TTC17: variants seen among roughly 807,000 people sequenced by gnomAD.
The protein encoded by TTC17 is tetratricopeptide repeat domain 17.
In TTC17, 58 loss-of-function variants were observed where a neutral mutation model predicts 143.8. The observed-to-expected ratio is 0.40, with a 90% CI of 0.33 to 0.50. TTC17 has a LOEUF of 0.50. Ranked by LOEUF, TTC17 falls within the 20% of genes least tolerant of loss-of-function variation. The pLI, the probability that TTC17 is intolerant of heterozygous loss-of-function variation, is 0.49. For synonymous variants in TTC17, 501 were observed against 497.8 expected, an observed-to-expected ratio of 1.01 and a Z score of -0.09; for missense variants, 1,273 against 1,392.5, an observed-to-expected ratio of 0.91 and a Z score of 1.37.
chr11:43,433,982 ATGTCATTATTC>A (rs1230478853), intron 16 of TTC17, among the ~76,000 whole-genome samples: 1 of 152,084 alleles, frequency 6.6e-6, no homozygotes, highest in African/African-American at 2.4e-5. Context: ...GAGTTGGTTG[ATGTCATTATTC>A]TGTTTTATTT....
At chr11:43,418,331 A>G (rs72900946) in intron 16 of TTC17, among the ~76,000 whole-genome samples, 5 of 152,296 alleles carry the variant, frequency 3.3e-5, no homozygotes, top group East Asian at 1.9e-4. Context: ...TTATATCACT[A>G]CCATTTCAAG....
intron 8 of TTC17, 140 bp downstream of exon 8, chr11:43,398,253 T>G (rs1262904387): frequency 9.2e-7 from 1 of 1,082,792 alleles, no homozygotes; most frequent in Non-Finnish European, 1.3e-6. Flanking sequence ...ATCCTTTTTC[T>G]GTAAGTCCTG....
At chr11:43,398,560 G>C (rs1857714972) in intron 8 of TTC17, among the ~76,000 whole-genome samples, 1 of 152,148 alleles carries the variant, frequency 6.6e-6, no homozygotes, top group Non-Finnish European at 1.5e-5. Context: ...TTGAGTTATT[G>C]TTAAGGTAGT....
At chr11:43,363,000 A>G (rs2134428486) in intron 1 of TTC17, among the ~76,000 whole-genome samples, 1 of 152,278 alleles carries the variant, frequency 6.6e-6, no homozygotes, top group African/African-American at 2.4e-5. Context: ...GGGCTTTGAC[A>G]TACCTCTGAT....
chr11:43,472,841 T>TA (rs140936007), intron 21 of TTC17, among the ~76,000 whole-genome samples: 25,340 of 114,942 alleles, frequency 0.22, 2,732 homozygotes, highest in Non-Finnish European at 0.29. Context: ...GGAATTAAGC[T>TA]AAAAAAAAAA....
chr11:43,361,109 G>T (rs1265989184), intron 1 of TTC17, among the ~76,000 whole-genome samples: 1 of 152,174 alleles, frequency 6.6e-6, no homozygotes, highest in Non-Finnish European at 1.5e-5. Context: ...AAAGAATTGG[G>T]TGCTGTGGTG....
chr11:43,470,235 A>G (rs1417429113), intron 21 of TTC17, among the ~76,000 whole-genome samples: 1 of 152,194 alleles, frequency 6.6e-6, no homozygotes, highest in East Asian at 1.9e-4. Flanking sequence ...GCAGCATCAG[A>G]GGTATACCTC....
chr11:43,478,775 C>G (rs995832997), intron 21 of TTC17, among the ~76,000 whole-genome samples: 1 of 152,098 alleles, frequency 6.6e-6, no homozygotes, highest in Non-Finnish European at 1.5e-5. Context: ...ACGACAGGCA[C>G]GGACCATGCC....
chr11:43,380,347 C>T (rs1856918528), intron 2 of TTC17, among the ~76,000 whole-genome samples: 1 of 152,292 alleles, frequency 6.6e-6, no homozygotes, highest in African/African-American at 2.4e-5. Context: ...CCTCCACCTC[C>T]CCGGTTCAAG....
intron 2 of TTC17, 107 bp downstream of exon 2, chr11:43,379,429 C>T: frequency 1.0e-6 from 1 of 983,638 alleles, no homozygotes; most frequent in Non-Finnish European, 1.5e-6. Flanking sequence ...TCTGAGTCTT[C>T]TGACTTTTGC....
intron 21 of TTC17, among the ~76,000 whole-genome samples, chr11:43,475,062 T>C (rs1337432084): frequency 6.6e-6 from 1 of 152,068 alleles, no homozygotes; most frequent in Admixed American, 6.6e-5. Context: ...GCTTGGTCTT[T>C]TATTGAAAAA....
At chr11:43,428,551 A>T (rs1333306586) in intron 16 of TTC17, among the ~76,000 whole-genome samples, 2 of 152,182 alleles carry the variant, frequency 1.3e-5, no homozygotes, top group Non-Finnish European at 2.9e-5. Flanking sequence ...TGCTGTAGTC[A>T]TTTAAGAGAA....
At position 43,493,925 on chromosome 11, in the gene TTC17, T is replaced by C; in HGVS notation, c.*21T>C. 2 of 1,557,782 alleles carry C rather than the reference T, an allele frequency of 1.3e-6. No individual in the cohort carries two copies. The highest frequency in any genetic ancestry group is 1.7e-6 in the Non-Finnish European group (2 of 1,150,818). ...CTTAGTGCACTTCTTCCTTCTCTCT[T>C]TCTCTTTACTCATGCTCTAAAAAAA... On this transcript the variant is annotated 3_prime_UTR_variant, in exon 24 of 24. Coordinates refer to ENST00000039989, the MANE Select transcript of TTC17 (RefSeq NM_018259.6).
rs1857336011 is a variant in TTC17, at chr11:43,390,497, T to C, written c.419+676T>C. Among the ~76,000 whole-genome samples the C allele has an allele frequency of 6.6e-5, 10 of 152,024 alleles. No homozygotes were observed. In the South Asian group the frequency reaches 2.1e-3, roughly 32 times the overall value. The stretch of plus-strand genomic sequence containing the variant: ...CAGGCATGGTGGTGGGCACCTGTAG[T>C]CCCAGCTACTCGGGAAGCTGAGGCA... On this transcript the variant is annotated intron_variant, in intron 3 of 23. Coordinates refer to ENST00000039989, the MANE Select transcript of TTC17 (RefSeq NM_018259.6).
chr11:43,397,900 CCGTG>C lies in TTC17; in HGVS notation c.919-73_919-70del, dbSNP rs1381419599. 1.3e-5 allele frequency: 17 copies of C among 1,313,994 alleles called. No homozygotes were observed. The East Asian group carries it at 2.7e-4, about 21-fold the overall frequency. The allele number at this position is 1,313,994 out of a possible 1,614,324, so 81.4% of individuals were successfully genotyped here. A position where few individuals can be genotyped will look rare whatever the true frequency, so the allele number is the denominator to read the frequency against. On this transcript the variant is annotated intron_variant, in intron 7 of 23. Coordinates refer to ENST00000039989, the MANE Select transcript of TTC17 (RefSeq NM_018259.6). The stretch of plus-strand genomic sequence containing the variant: ...CAGGCCGTGGCTAACATTTTTTTTT[CCGTG>C]TGTGTGTGTGTGTGTGTGTGTGTGT...
intron 23 of TTC17, among the ~76,000 whole-genome samples, chr11:43,493,507 A>C (rs561202640): frequency 2.0e-5 from 3 of 152,210 alleles, no homozygotes; most frequent in Non-Finnish European, 4.4e-5. Flanking sequence ...GGGTTTGTAA[A>C]AGCTGCTCTA....
rs1006482793 is a variant in TTC17 at position 43,488,253 on chromosome 11, G to T, written c.3031-1986G>T. Among the ~76,000 whole-genome samples the T allele has an allele frequency of 2.6e-5, 4 of 152,106 alleles. No individual in the cohort carries two copies. In the South Asian group the frequency reaches 8.3e-4, roughly 32 times the overall value. The stretch of plus-strand genomic sequence containing the variant: ...GAGGCATAGAGTGATAGGTCAGAAT[G>T]TAAATACTATACGCCCTGAAAATGT... On this transcript the variant is annotated intron_variant, in intron 21 of 23. Coordinates refer to ENST00000039989, the MANE Select transcript of TTC17 (RefSeq NM_018259.6).
At chr11:43,481,486 G>A (rs11826735) in intron 21 of TTC17, among the ~76,000 whole-genome samples, 1 of 152,112 alleles carries the variant, frequency 6.6e-6, no homozygotes, top group Non-Finnish European at 1.5e-5. Flanking sequence ...GATAGAATTT[G>A]CCAGTGAAGC....
At chr11:43,391,707 A>G in intron 4 of TTC17, 114 bp from the exon 5 acceptor site, 11 of 1,376,706 alleles carry the variant, frequency 8.0e-6, no homozygotes, top group Non-Finnish European at 1.1e-5. Context: ...GACATCTCTT[A>G]TTTCTTAAAA....
Sources: allele counts gnomAD v4.1 joint callset (sites outside exome capture counted in the v4.1 genomes callset), GRCh38; gene constraint gnomAD v4.1.1; transcripts MANE v1.5; gene names NCBI Gene and HGNC (gene_info 2026-07-23, HGNC 2026-07-21).